SMG6: variants seen among roughly 807,000 people sequenced by gnomAD.
SMG6 encodes the protein SMG6 nonsense mediated mRNA decay factor.
SMG6 carries 66 observed loss-of-function variants against 142.2 expected under a neutral mutation model. The observed-to-expected ratio is 0.46, with a 90% CI of 0.38 to 0.57. The LOEUF (loss-of-function observed/expected upper bound fraction) is 0.57. SMG6 is among the 20% of genes least tolerant of loss of function. SMG6 has a pLI of 0.00. For missense variants in SMG6, 1,793 were observed against 1,832.0 expected, an observed-to-expected ratio of 0.98 and a Z score of 0.39; for synonymous variants, 779 against 702.4, an observed-to-expected ratio of 1.11 and a Z score of -1.72.
chr17:2,127,071 C>T (rs776514840), intron 13 of SMG6, among the ~76,000 whole-genome samples: 25 of 139,546 alleles, frequency 1.8e-4, no homozygotes, highest in Admixed American at 8.5e-4. Flanking sequence ...CTTGGGAGTT[C>T]GAGGCTGCAG....
intron 13 of SMG6, among the ~76,000 whole-genome samples, chr17:2,107,265 C>T (rs1020328441): frequency 3.9e-5 from 6 of 152,012 alleles, no homozygotes; most frequent in African/African-American, 1.4e-4. Context: ...CTAGACCTCT[C>T]GGGAGTTCAT....
intron 10 of SMG6, among the ~76,000 whole-genome samples, chr17:2,219,350 A>G (rs1447098265): frequency 1.3e-5 from 2 of 152,156 alleles, no homozygotes; most frequent in Non-Finnish European, 2.9e-5. Context: ...GCGCCAACAC[A>G]CTCCAGCCTG....
chr17:2,236,406 G>T, intron 10 of SMG6, 86 bp downstream of exon 10: 1 of 1,385,988 alleles, frequency 7.2e-7, no homozygotes, highest in Non-Finnish European at 1.0e-6. Context: ...GGGGAGGTAG[G>T]TATGGTAGGT....
chr17:2,145,091 A>G (rs1446474451), intron 13 of SMG6, among the ~76,000 whole-genome samples: 1 of 152,070 alleles, frequency 6.6e-6, no homozygotes, highest in Non-Finnish European at 1.5e-5. Flanking sequence ...TATTATAGTT[A>G]GCATTTTATG....
intron 10 of SMG6, among the ~76,000 whole-genome samples, chr17:2,228,985 T>C (rs1251520038): frequency 6.6e-6 from 1 of 152,106 alleles, no homozygotes; most frequent in Non-Finnish European, 1.5e-5. Flanking sequence ...CAGTCTCTCC[T>C]AAGAAAAGCA....
intron 13 of SMG6, among the ~76,000 whole-genome samples, chr17:2,089,930 T>C (rs1452882232): frequency 2.0e-5 from 3 of 152,052 alleles, no homozygotes; most frequent in East Asian, 1.9e-4. Flanking sequence ...ACGAATGTCA[T>C]GTCAGCACTT....
chr17:2,175,019 G>A (rs1287479738), intron 12 of SMG6, among the ~76,000 whole-genome samples: 1 of 152,070 alleles, frequency 6.6e-6, no homozygotes, highest in Non-Finnish European at 1.5e-5. Flanking sequence ...GACAAGCACC[G>A]GATGTGATAG....
chr17:2,118,406 G>A (rs376808269), intron 13 of SMG6, among the ~76,000 whole-genome samples: 44 of 152,276 alleles, frequency 2.9e-4, no homozygotes, highest in African/African-American at 1.0e-3. Flanking sequence ...AAGCATAGTG[G>A]TGTGCACCTG....
intron 12 of SMG6, among the ~76,000 whole-genome samples, chr17:2,184,169 C>A (rs1463135923): frequency 6.6e-6 from 1 of 152,068 alleles, no homozygotes; most frequent in East Asian, 1.9e-4. Flanking sequence ...TTGAGACCAG[C>A]CTGACCAGCA....
intron 9 of SMG6, chr17:2,236,854 G>A: frequency 5.6e-6 from 7 of 1,252,044 alleles, no homozygotes; most frequent in Non-Finnish European, 6.0e-6. Context: ...TCAGGGTCCA[G>A]AGATGCAAAC....
intron 10 of SMG6, among the ~76,000 whole-genome samples, chr17:2,222,513 A>T (rs1209556071): frequency 8.9e-6 from 1 of 112,566 alleles, no homozygotes; most frequent in East Asian, 2.9e-4. Context: ...TGGGGAGAAC[A>T]GTCGTGAATG....
intron 13 of SMG6, among the ~76,000 whole-genome samples, chr17:2,153,125 G>A (rs1052548385): frequency 2.0e-5 from 3 of 152,118 alleles, no homozygotes; most frequent in Admixed American, 6.5e-5. Flanking sequence ...GCAGCCCAAC[G>A]CAAATTTATA....
chr17:2,266,545 A>C (rs1343883099), intron 8 of SMG6, among the ~76,000 whole-genome samples: 1 of 152,216 alleles, frequency 6.6e-6, no homozygotes, highest in Admixed American at 6.5e-5. Context: ...CGTTTGCAGC[A>C]TGGCTTATGT....
chr17:2,139,425 CTT>C (rs375417133), intron 13 of SMG6, among the ~76,000 whole-genome samples: 1,535 of 139,174 alleles, frequency 0.011, 34 homozygotes, highest in African/African-American at 0.037. Flanking sequence ...CTGCTTTTTT[CTT>C]TTTTTTTTTT....
chr17:2,296,690 G>A (rs539787038), intron 4 of SMG6, among the ~76,000 whole-genome samples: 261 of 152,206 alleles, frequency 1.7e-3, no homozygotes, highest in Middle Eastern at 0.01. Context: ...ACTAGTCCCC[G>A]GTGCCAAAAA....
intron 10 of SMG6, among the ~76,000 whole-genome samples, chr17:2,227,199 T>C (rs2073344805): frequency 6.6e-6 from 1 of 152,216 alleles, no homozygotes; most frequent in Non-Finnish European, 1.5e-5. Context: ...ACACATGCCA[T>C]ATGATCCGGC....
chr17:2,064,987 G>A (rs1036684276), intron 18 of SMG6, 86 bp downstream of exon 18: 3 of 1,065,742 alleles, frequency 2.8e-6, no homozygotes, highest in Non-Finnish European at 4.3e-6. Flanking sequence ...GCCAGAGTCA[G>A]TGGAGCCCTT....
Position 2,068,936 on chromosome 17 carries a change from G to C in SMG6, c.3682-5C>G, listed in dbSNP as rs1045255410. 6.2e-7 allele frequency: 1 copy of C among 1,613,796 alleles called. No homozygotes were observed. The highest frequency in any genetic ancestry group is 1.3e-5 in the African/African-American group (1 of 74,924). On this transcript the variant is annotated splice_polypyrimidine_tract_variant and splice_region_variant and intron_variant, in intron 15 of 18. Transcript: ENST00000263073. This position sits in a 1 kb window ranked among gnomAD's most constrained non-coding sequence, Gnocchi z 6.7. ...ACTGTGGTCCTCCAGGACAGCCTAT[G>C]GGGACAGAGTGGTGAATGAGCCAGA...
intron 4 of SMG6, among the ~76,000 whole-genome samples, chr17:2,295,918 A>G (rs1392260303): frequency 6.6e-6 from 1 of 151,978 alleles, no homozygotes; most frequent in East Asian, 1.9e-4. Context: ...CTCACACCAA[A>G]TCAGTCAACA....
Sources: allele counts gnomAD v4.1 joint callset (sites outside exome capture counted in the v4.1 genomes callset), GRCh38; gene constraint gnomAD v4.1.1; non-coding constraint Gnocchi (gnomAD v3.1); transcripts MANE v1.5; gene names NCBI Gene and HGNC (gene_info 2026-07-23, HGNC 2026-07-21).